Variants in GKAP1 observed in about 807,000 individuals in gnomAD.
The protein encoded by GKAP1 is G kinase anchoring protein 1.
Under a neutral mutation model 56.7 loss-of-function variants are expected in GKAP1, and 31 were observed. The observed-to-expected ratio is 0.55, with a 90% CI of 0.41 to 0.74. GKAP1 has a LOEUF of 0.74. Ranked by LOEUF, GKAP1 falls within the 30% of genes least tolerant of loss-of-function variation. The pLI is 0.00. For missense variants in GKAP1, 364 were observed against 402.3 expected (o/e 0.90, Z 0.82); for synonymous variants, 151 against 138.6 (o/e 1.09, Z -0.63).
chr9:83,803,805 G>C (rs1170943011), intron 3 of GKAP1, among the ~76,000 whole-genome samples: 1 of 151,448 alleles, frequency 6.6e-6, no homozygotes, highest in Non-Finnish European at 1.5e-5. Flanking sequence ...TCTAGGAAGT[G>C]AGGAGCGCCT....
At chr9:83,817,377 G>A (rs1320961618) in intron 1 of GKAP1, 140 bp downstream of exon 1, 4 of 151,842 alleles carry the variant, frequency 2.6e-5, no homozygotes, top group Non-Finnish European at 5.9e-5. Context: ...AGCGGCTCCG[G>A]TCAGTGGGGC....
intron 2 of GKAP1, among the ~76,000 whole-genome samples, chr9:83,807,599 A>G (rs1944456948): frequency 6.6e-6 from 1 of 152,342 alleles, no homozygotes; most frequent in South Asian, 2.1e-4. Context: ...CTCCAATTGC[A>G]TTCCCCCACT....
At chr9:83,789,797 C>A (rs1944125104) in intron 4 of GKAP1, among the ~76,000 whole-genome samples, 1 of 152,002 alleles carries the variant, frequency 6.6e-6, no homozygotes. Context: ...CTGATGATAA[C>A]CCTCGAAAAA....
chr9:83,749,607 C>T (rs1943353084), intron 9 of GKAP1, among the ~76,000 whole-genome samples: 1 of 152,096 alleles, frequency 6.6e-6, no homozygotes, highest in Admixed American at 6.6e-5. Context: ...AAACAAAACC[C>T]TAAAGAAAAC....
chr9:83,802,206 C>T (rs893667519), intron 3 of GKAP1, among the ~76,000 whole-genome samples: 8 of 152,136 alleles, frequency 5.3e-5, no homozygotes, highest in African/African-American at 1.4e-4. Flanking sequence ...ATGGGCCAGG[C>T]GCAGTGGCTC....
chr9:83,791,697 A>C (rs2131302757), intron 4 of GKAP1, among the ~76,000 whole-genome samples: 1 of 152,326 alleles, frequency 6.6e-6, no homozygotes, highest in Admixed American at 6.5e-5. Context: ...CAGCAGCATA[A>C]ATTTGGCTTT....
chr9:83,783,554 G>C (rs1392799133), intron 6 of GKAP1, among the ~76,000 whole-genome samples: 1 of 152,128 alleles, frequency 6.6e-6, no homozygotes, highest in Non-Finnish European at 1.5e-5. Context: ...AAGTTTAGTG[G>C]ATAGTAAAAT....
At chr9:83,773,195 G>A (rs566528200) in intron 7 of GKAP1, among the ~76,000 whole-genome samples, 88 of 152,264 alleles carry the variant, frequency 5.8e-4, no homozygotes, top group Non-Finnish European at 9.6e-4. Flanking sequence ...TCAGTGATAC[G>A]GCTGAATTAA....
rs11140258 is a variant in GKAP1 at position 83,806,931 on chromosome 9, C to A, written c.-43-371G>T. ...TTTTTCATGATACACAAAAAAAAGACCTTTAGTCCAACTACATGTTAACTC... is the reference window on the plus strand; with the variant it reads ...TTTTTCATGATACACAAAAAAAAGAACTTTAGTCCAACTACATGTTAACTC... On this transcript the variant is annotated intron_variant, in intron 2 of 12. Coordinates refer to ENST00000376371, the MANE Select transcript of GKAP1 (RefSeq NM_025211.4). Among the ~76,000 whole-genome samples the A allele has an allele frequency of 8.0e-3, 1,211 of 152,054 alleles. 31 individuals are homozygous for A. The highest frequency in any genetic ancestry group is 0.037 in the East Asian group (189 of 5,162).
chr9:83,768,515 G>C (rs1196537236), intron 8 of GKAP1, among the ~76,000 whole-genome samples: 2 of 152,110 alleles, frequency 1.3e-5, no homozygotes, highest in East Asian at 3.9e-4. Flanking sequence ...CCACAACTCT[G>C]AGTGTCTAAG....
intron 12 of GKAP1, 103 bp from the exon 13 acceptor site, chr9:83,739,847 G>A: frequency 1.2e-6 from 1 of 810,702 alleles, no homozygotes; most frequent in Non-Finnish European, 1.9e-6. Context: ...GTATGAGAAG[G>A]AAGCAATTTC....
chr9:83,739,519 T>C lies in GKAP1; in HGVS notation c.*178A>G. The C allele has an allele frequency of 2.3e-6, 1 of 431,168 alleles. No homozygotes were observed. The highest frequency in any genetic ancestry group is 4.1e-6 in the Non-Finnish European group (1 of 243,938). 26.7% of individuals were successfully genotyped at this position (431,168 alleles called of 1,614,324 possible). A position where few individuals can be genotyped will look rare whatever the true frequency, so the allele number is the denominator to read the frequency against. On this transcript the variant is annotated 3_prime_UTR_variant, in exon 13 of 13. Coordinates refer to ENST00000376371, the MANE Select transcript of GKAP1 (RefSeq NM_025211.4). ...CACTGAATTCTGCTGGAATTCTCTA[T>C]TTCTTCTTTTTCACTTTAAGCCAAA...
chr9:83,772,512 C>A (rs1320821611), intron 7 of GKAP1, among the ~76,000 whole-genome samples: 1 of 151,966 alleles, frequency 6.6e-6, no homozygotes, highest in African/African-American at 2.4e-5. Context: ...TTAATGAACA[C>A]CAAAAGTACA....
chr9:83,805,117 T>C (rs993949269), intron 3 of GKAP1, among the ~76,000 whole-genome samples: 12 of 152,240 alleles, frequency 7.9e-5, no homozygotes, highest in African/African-American at 2.4e-4. Flanking sequence ...CATTTTGTTC[T>C]GTACTAAGAT....
chr9:83,804,780 C>T lies in GKAP1; in HGVS notation c.216+1522G>A, dbSNP rs541074430. On this transcript the variant is annotated intron_variant, in intron 3 of 12. Transcript: ENST00000376371. Reference sequence around the variant, plus strand: ...CCGGGAGGTGAGGGGCGCCTCTGCCCGGCCGCCCCTACTGGGAAGTGAGGA... The same window carrying T: ...CCGGGAGGTGAGGGGCGCCTCTGCCTGGCCGCCCCTACTGGGAAGTGAGGA... 6.1e-5 allele frequency among the ~76,000 whole-genome samples: 9 copies of T among 147,982 alleles called. 1 individual carries two copies. The highest frequency in any genetic ancestry group is 2.0e-4 in the African/African-American group (8 of 39,584).
intron 4 of GKAP1, among the ~76,000 whole-genome samples, chr9:83,796,466 T>C (rs1309873960): frequency 1.3e-5 from 2 of 152,136 alleles, no homozygotes; most frequent in African/African-American, 4.8e-5. Flanking sequence ...AATTCACCCA[T>C]CTCACTTTTT....
chr9:83,743,644 G>A (rs1943244007), intron 10 of GKAP1, among the ~76,000 whole-genome samples: 2 of 152,144 alleles, frequency 1.3e-5, no homozygotes, highest in Admixed American at 6.5e-5. Flanking sequence ...TGAATTGTTG[G>A]GGGTGGTGAG....
At chr9:83,804,736 G>A (rs1399711904) in intron 3 of GKAP1, among the ~76,000 whole-genome samples, 2 of 147,230 alleles carry the variant, frequency 1.4e-5, no homozygotes, top group Non-Finnish European at 3.0e-5. Flanking sequence ...TCAGCCCCCC[G>A]CCGGGCCAGC....
In GKAP1 at chr9:83,786,403, T is replaced by C. The variant is rs570039447; in HGVS notation, c.439-1565A>G. On this transcript the variant is annotated intron_variant, in intron 5 of 12. Transcript: ENST00000376371. ...ACTAAAAGTACAAAATTAGCCAGGG[T>C]GGTGGCACATGCCTGTAATCCCAGC... 2.0e-5 allele frequency among the ~76,000 whole-genome samples: 3 copies of C among 151,748 alleles called. No individual in the cohort carries two copies. The South Asian group carries it at 6.3e-4, about 32-fold the overall frequency.
Sources: allele counts gnomAD v4.1 joint callset (sites outside exome capture counted in the v4.1 genomes callset), GRCh38; gene constraint gnomAD v4.1.1; transcripts MANE v1.5; gene names NCBI Gene and HGNC (gene_info 2026-07-23, HGNC 2026-07-21).